The following DGKB variants were observed in gnomAD, a reference collection of about 807,000 sequenced individuals.
DGKB encodes the protein diacylglycerol kinase beta.
Under a neutral mutation model 114.3 loss-of-function variants are expected in DGKB, and 67 were observed. That is an observed-to-expected ratio of 0.59 (90% CI 0.48 to 0.72). The LOEUF (loss-of-function observed/expected upper bound fraction) is 0.72. Among genes scored for constraint, DGKB ranks in the 30% least tolerant of loss-of-function variants. The pLI is 0.00. For synonymous variants in DGKB, 398 were observed against 323.1 expected, an observed-to-expected ratio of 1.23 and a Z score of -2.49; for missense variants, 907 against 975.2, an observed-to-expected ratio of 0.93 and a Z score of 0.93.
intron 1 of DGKB, among the ~76,000 whole-genome samples, chr7:14,938,459 A>G (rs1785387711): frequency 6.6e-6 from 1 of 152,210 alleles, no homozygotes; most frequent in Non-Finnish European, 1.5e-5. Flanking sequence ...TATTTTTCTT[A>G]TCTGATAAAA....
intron 2 of DGKB, among the ~76,000 whole-genome samples, chr7:14,838,183 G>A (rs541667799): frequency 3.7e-4 from 57 of 152,084 alleles, no homozygotes; most frequent in African/African-American, 1.3e-3. Flanking sequence ...ATAATTAAAT[G>A]TACCTCCATA....
chr7:14,855,032 A>G (rs768332723), intron 1 of DGKB, among the ~76,000 whole-genome samples: 1 of 152,184 alleles, frequency 6.6e-6, no homozygotes, highest in Admixed American at 6.5e-5. Context: ...AAACTGAACC[A>G]TATTATAAAG....
intron 1 of DGKB, among the ~76,000 whole-genome samples, chr7:14,861,826 C>A (rs916409491): frequency 1.3e-5 from 2 of 151,918 alleles, no homozygotes; most frequent in Non-Finnish European, 2.9e-5. Flanking sequence ...TGTGACAATT[C>A]CATTGTCTGA....
intron 1 of DGKB, among the ~76,000 whole-genome samples, chr7:14,941,638 G>A (rs1370775246): frequency 1.3e-5 from 2 of 151,992 alleles, no homozygotes; most frequent in African/African-American, 2.4e-5. Flanking sequence ...TTAAATATTG[G>A]TGAATGGTAC....
rs180713708 is a variant in DGKB, at chr7:14,541,564, A to G, written c.1770+32648T>C. Among the ~76,000 whole-genome samples the G allele has an allele frequency of 4.7e-3, 719 of 152,328 alleles. 5 individuals carry two copies. The highest frequency in any genetic ancestry group is 0.016 in the African/African-American group (650 of 41,580). On this transcript the variant is annotated intron_variant, in intron 20 of 25. Coordinates refer to ENST00000402815, the MANE Select transcript of DGKB (RefSeq NM_001350709.2). ...TCTGTTTATATTGGATCACATACAT[A>G]GGTCATATTTAGAAACAATAGATTG...
chr7:14,423,184 G>C (rs1583827401), intron 21 of DGKB, among the ~76,000 whole-genome samples: 2 of 151,998 alleles, frequency 1.3e-5, no homozygotes, highest in East Asian at 1.9e-4. Flanking sequence ...AAGATAGCTG[G>C]ATTGCTAGAC....
intron 2 of DGKB, among the ~76,000 whole-genome samples, chr7:14,768,891 C>G (rs796749071): frequency 1.6e-4 from 25 of 151,928 alleles, no homozygotes; most frequent in African/African-American, 5.8e-4. Flanking sequence ...TACATTGGAA[C>G]ATTTGTTATA....
chr7:14,898,699 G>T (rs893649082), intron 1 of DGKB, among the ~76,000 whole-genome samples: 1 of 152,050 alleles, frequency 6.6e-6, no homozygotes, highest in African/African-American at 2.4e-5. Flanking sequence ...AATGACAAGA[G>T]AATGAATCAG....
chr7:14,783,010 T>G (rs1839358041), intron 2 of DGKB, among the ~76,000 whole-genome samples: 1 of 152,164 alleles, frequency 6.6e-6, no homozygotes, highest in Non-Finnish European at 1.5e-5. Context: ...TCTGGCTATG[T>G]GAACATATTA....
intron 1 of DGKB, among the ~76,000 whole-genome samples, chr7:14,848,965 CT>C (rs1307047408): frequency 2.6e-5 from 4 of 151,852 alleles, no homozygotes; most frequent in African/African-American, 7.3e-5. Flanking sequence ...ATTCTGCTTG[CT>C]TTTTTCCCCT....
intron 21 of DGKB, among the ~76,000 whole-genome samples, chr7:14,467,358 A>T (rs10226896): frequency 6.6e-6 from 1 of 151,064 alleles, no homozygotes; most frequent in Admixed American, 6.6e-5. Context: ...GCCATTCCAC[A>T]ATGTATACAA....
intron 20 of DGKB, among the ~76,000 whole-genome samples, chr7:14,558,054 G>A (rs922550885): frequency 4.0e-5 from 6 of 150,416 alleles, no homozygotes; most frequent in African/African-American, 9.7e-5. Flanking sequence ...TGGTCTTATC[G>A]GGAAACACAT....
intron 21 of DGKB, among the ~76,000 whole-genome samples, chr7:14,471,790 T>C (rs1781448514): frequency 6.6e-6 from 1 of 151,952 alleles, no homozygotes; most frequent in Admixed American, 6.6e-5. Flanking sequence ...TAGAAAAATA[T>C]AGAGAAGATA....
intron 20 of DGKB, among the ~76,000 whole-genome samples, chr7:14,560,381 C>T (rs1483896340): frequency 6.6e-6 from 1 of 152,102 alleles, no homozygotes; most frequent in Non-Finnish European, 1.5e-5. Context: ...TCTTCCTAGC[C>T]CTGGTAGCCA....
chr7:14,300,189 T>C lies in DGKB; in HGVS notation c.2122+38326A>G, dbSNP rs115565592. On this transcript the variant is annotated intron_variant, in intron 23 of 25. Transcript: ENST00000402815. The stretch of plus-strand genomic sequence containing the variant: ...TTACATAAAGAGTTTCTTTAAAAAT[T>C]GACTCGAGGAATGTTTCCTATTTTA... Among the ~76,000 whole-genome samples, 535 of 152,222 alleles carry C rather than the reference T, an allele frequency of 3.5e-3. 7 individuals carry two copies. Among genetic ancestry groups the C allele is most frequent in the African/African-American group, 0.012 (512 of 41,544 alleles).
At chr7:14,882,026 A>C (rs1854308714) in intron 1 of DGKB, among the ~76,000 whole-genome samples, 1 of 151,984 alleles carries the variant, frequency 6.6e-6, no homozygotes, top group South Asian at 2.1e-4. Context: ...TATTTGAAAT[A>C]AGCTTATTTT....
intron 21 of DGKB, among the ~76,000 whole-genome samples, chr7:14,416,098 G>A (rs544844110): frequency 1.2e-3 from 179 of 152,078 alleles, no homozygotes; most frequent in African/African-American, 4.0e-3. Context: ...CATATACTTC[G>A]CCCACTTTTT....
At chr7:14,657,104 A>T (rs1467032097) in intron 13 of DGKB, among the ~76,000 whole-genome samples, 2 of 151,784 alleles carry the variant, frequency 1.3e-5, no homozygotes, top group African/African-American at 2.4e-5. Context: ...TCTCTTTAAA[A>T]TATATGTACA....
In DGKB at chr7:14,694,836, C is replaced by T. The variant is rs77427533; in HGVS notation, c.592-642G>A. Among the ~76,000 whole-genome samples the T allele has an allele frequency of 9.1e-3, 1,386 of 152,120 alleles. 24 individuals are homozygous for T. Among genetic ancestry groups the T allele is most frequent in the African/African-American group, 0.032 (1,332 of 41,520 alleles). On this transcript the variant is annotated intron_variant, in intron 8 of 25. Transcript: ENST00000402815. ...AATAAGCTAACGTATTATAAGCAGA[C>T]GAGCCCCTGGCATACAGAGTCAGAG...
Sources: allele counts gnomAD v4.1 joint callset (sites outside exome capture counted in the v4.1 genomes callset), GRCh38; gene constraint gnomAD v4.1.1; transcripts MANE v1.5; gene names NCBI Gene and HGNC (gene_info 2026-07-23, HGNC 2026-07-21).